TMEM135: variants seen among roughly 807,000 people sequenced by gnomAD.
TMEM135 encodes the protein peroxisomal membrane protein 52.
In TMEM135, 30 loss-of-function variants were observed where a neutral mutation model predicts 60.3. The observed-to-expected ratio is 0.50, with a 90% CI of 0.37 to 0.68. TMEM135 has a LOEUF of 0.68. Among genes scored for constraint, TMEM135 ranks in the 30% least tolerant of loss-of-function variants. The pLI is 0.00. For synonymous variants in TMEM135, 190 were observed against 186.7 expected (o/e 1.02, Z -0.14); for missense variants, 468 against 548.8 (o/e 0.85, Z 1.47).
chr11:87,245,550 A>G (rs1309065767), intron 6 of TMEM135, among the ~76,000 whole-genome samples: 1 of 144,132 alleles, frequency 6.9e-6, no homozygotes, highest in Non-Finnish European at 1.5e-5. Context: ...TTGGGTGCAT[A>G]TGTATTTAGG....
intron 4 of TMEM135, among the ~76,000 whole-genome samples, chr11:87,133,957 T>G (rs182630161): frequency 6.6e-5 from 10 of 152,238 alleles, no homozygotes; most frequent in African/African-American, 2.4e-4. Context: ...TAGGATTTGA[T>G]GATTATGAGT....
intron 6 of TMEM135, among the ~76,000 whole-genome samples, chr11:87,282,389 C>T (rs987219591): frequency 6.6e-6 from 1 of 152,072 alleles, no homozygotes; most frequent in African/African-American, 2.4e-5. Flanking sequence ...CCCAGCCTCC[C>T]AAGTAGCTGA....
intron 6 of TMEM135, among the ~76,000 whole-genome samples, chr11:87,285,265 G>A (rs923489212): frequency 2.0e-5 from 3 of 152,122 alleles, no homozygotes; most frequent in Non-Finnish European, 2.9e-5. Context: ...ATTCTTTTAC[G>A]TGGGTTTTTA....
chr11:87,088,000 A>T (rs559936693), intron 3 of TMEM135, among the ~76,000 whole-genome samples: 1 of 152,170 alleles, frequency 6.6e-6, no homozygotes, highest in East Asian at 1.9e-4. Context: ...GGCCTCCTGA[A>T]GTGTTGGGAT....
chr11:87,189,172 T>TCCCTTTCC (rs1242580123), intron 5 of TMEM135, among the ~76,000 whole-genome samples: 101 of 150,896 alleles, frequency 6.7e-4, no homozygotes, highest in African/African-American at 9.0e-4. Flanking sequence ...CCCTTTCCTT[T>TCCCTTTCC]CTTTGCTTTC....
In TMEM135 at chr11:87,243,857, A is replaced by G. The variant is rs1277736025; in HGVS notation, c.509+7173A>G. 6.5e-5 allele frequency among the ~76,000 whole-genome samples: 5 copies of G among 76,850 alleles called. 1 individual carries two copies. Among genetic ancestry groups the G allele is most frequent in the Admixed American group, 1.1e-4 (1 of 9,036 alleles). 50.4% of individuals were successfully genotyped at this position (76,850 alleles called of 152,430 possible). ...TACCCTTTATTTCATTCTCCTGCCTAATTGCCCTGGCCAGAACTTCCAACA... is the reference window on the plus strand; with the variant it reads ...TACCCTTTATTTCATTCTCCTGCCTGATTGCCCTGGCCAGAACTTCCAACA... On this transcript the variant is annotated intron_variant, in intron 6 of 14. Coordinates refer to ENST00000305494, the MANE Select transcript of TMEM135 (RefSeq NM_022918.4).
chr11:87,175,908 TATA>T (rs1175785302), intron 5 of TMEM135, among the ~76,000 whole-genome samples: 1 of 152,180 alleles, frequency 6.6e-6, no homozygotes, highest in African/African-American at 2.4e-5. Context: ...GAATTTTGCA[TATA>T]ATATTAGGTG....
intron 1 of TMEM135, among the ~76,000 whole-genome samples, chr11:87,054,329 G>A (rs1010635942): frequency 2.0e-5 from 3 of 152,156 alleles, no homozygotes; most frequent in Admixed American, 6.5e-5. Flanking sequence ...CAGCTACTGG[G>A]GAGGCTGAGG....
At chr11:87,314,613 AGCAGC>A in intron 12 of TMEM135, 66 bp downstream of exon 12, 1 of 1,309,422 alleles carries the variant, frequency 7.6e-7, no homozygotes, top group South Asian at 1.2e-5. Context: ...TGACTGTTTT[AGCAGC>A]AAATGTATAT....
At chr11:87,229,343 A>G (rs1940837275) in intron 5 of TMEM135, among the ~76,000 whole-genome samples, 1 of 152,036 alleles carries the variant, frequency 6.6e-6, no homozygotes, top group Non-Finnish European at 1.5e-5. Context: ...AAAACAAACA[A>G]AAGGATTATA....
intron 4 of TMEM135, among the ~76,000 whole-genome samples, chr11:87,110,770 GTA>G (rs1254310850): frequency 2.7e-4 from 15 of 56,088 alleles, no homozygotes; most frequent in Admixed American, 6.7e-4. Context: ...GTGTGTGTGT[GTA>G]TGTGTGTGTG....
chr11:87,197,343 A>G (rs12284940), intron 5 of TMEM135, among the ~76,000 whole-genome samples: 26 of 152,112 alleles, frequency 1.7e-4, no homozygotes, highest in African/African-American at 6.3e-4. Flanking sequence ...AACGTATCAG[A>G]CTCTCATACA....
intron 4 of TMEM135, among the ~76,000 whole-genome samples, chr11:87,128,833 C>T (rs147232043): frequency 1.2e-3 from 181 of 152,210 alleles, no homozygotes; most frequent in African/African-American, 4.1e-3. Flanking sequence ...ATTATGAAAA[C>T]TCAATTCAAC....
At chr11:87,210,257 T>C (rs1189358390) in intron 5 of TMEM135, among the ~76,000 whole-genome samples, 1 of 152,100 alleles carries the variant, frequency 6.6e-6, no homozygotes, top group East Asian at 1.9e-4. Context: ...AACAGGATTG[T>C]TGTGGCACTA....
At chr11:87,129,683 G>A (rs1212195544) in intron 4 of TMEM135, among the ~76,000 whole-genome samples, 2 of 151,682 alleles carry the variant, frequency 1.3e-5, no homozygotes, top group East Asian at 3.9e-4. Context: ...TGGAGTTATA[G>A]GCCTGTGCCC....
In TMEM135 at chr11:87,091,364, G is replaced by C; in HGVS notation, c.365G>C (p.Arg122Thr). The change falls in exon 4 of 15, where the codon AGA becomes ACA. Residue 122 changes from arginine (R) to threonine (T), a missense_variant and splice_region_variant. Transcript: ENST00000305494. ...VAILIERKSR[R>T]GLLTIYMANL... ...CTTCCTTTTAAAATTATTTGCAGGA[G>C]AGGGCTGCTCACAATTTATATGGCC... 1 of 1,611,826 alleles carries C rather than the reference G, an allele frequency of 6.2e-7. No individual in the cohort carries two copies. Among genetic ancestry groups the C allele is most frequent in the Non-Finnish European group, 8.5e-7 (1 of 1,178,764 alleles).
chr11:87,232,161 G>A (rs1445630296), intron 5 of TMEM135, among the ~76,000 whole-genome samples: 1 of 152,140 alleles, frequency 6.6e-6, no homozygotes, highest in Non-Finnish European at 1.5e-5. Flanking sequence ...ATGTTGGACA[G>A]ACTGGTCATG....
At chr11:87,211,291 A>G (rs141475143) in intron 5 of TMEM135, among the ~76,000 whole-genome samples, 130 of 152,196 alleles carry the variant, frequency 8.5e-4, no homozygotes, top group Admixed American at 2.7e-3. Flanking sequence ...CCTCATTAAA[A>G]CCCTTATACA....
intron 4 of TMEM135, among the ~76,000 whole-genome samples, chr11:87,120,559 C>T (rs149204734): frequency 6.8e-6 from 1 of 146,554 alleles, no homozygotes; most frequent in African/African-American, 2.5e-5. Context: ...GCAACCTCCA[C>T]CTCCCTGGTT....
Sources: allele counts gnomAD v4.1 joint callset (sites outside exome capture counted in the v4.1 genomes callset), GRCh38; gene constraint gnomAD v4.1.1; transcripts MANE v1.5; gene names NCBI Gene and HGNC (gene_info 2026-07-23, HGNC 2026-07-21).